The following XPO7 variants were observed in gnomAD, a reference collection of about 807,000 sequenced individuals.
XPO7 encodes the protein exportin-7.
Under a neutral mutation model 144.3 loss-of-function variants are expected in XPO7, and 21 were observed. That is an observed-to-expected ratio of 0.15 (90% confidence interval 0.10 to 0.21). The LOEUF is 0.21. Ranked by LOEUF, XPO7 falls within the 10% of genes least tolerant of loss-of-function variation. The pLI, the probability that XPO7 is intolerant of heterozygous loss-of-function variation, is 1.00. For synonymous variants in XPO7, 580 were observed against 499.6 expected (o/e 1.16, Z -2.15); for missense variants, 808 against 1,325.8 (o/e 0.61, Z 6.06).
At chr8:21,922,873 C>A (rs944685593) in intron 1 of XPO7, among the ~76,000 whole-genome samples, 1 of 152,032 alleles carries the variant, frequency 6.6e-6, no homozygotes, top group African/African-American at 2.4e-5. Context: ...GGAGAATGTA[C>A]TATTTGCAAA....
chr8:21,955,059 A>G (rs1298341992), intron 1 of XPO7, among the ~76,000 whole-genome samples: 3 of 152,226 alleles, frequency 2.0e-5, no homozygotes, highest in South Asian at 2.1e-4. Context: ...GTTTATTTAC[A>G]TACATGGTTG....
chr8:21,985,295 C>T (rs1215107184), intron 12 of XPO7, among the ~76,000 whole-genome samples: 1 of 152,178 alleles, frequency 6.6e-6, no homozygotes, highest in African/African-American at 2.4e-5. Flanking sequence ...CTCTTTTTAC[C>T]GGGCCTGGCT....
intron 1 of XPO7, among the ~76,000 whole-genome samples, chr8:21,930,512 C>T (rs1054703195): frequency 6.6e-6 from 1 of 152,064 alleles, no homozygotes; most frequent in Admixed American, 6.6e-5. Flanking sequence ...ATAATTAAGC[C>T]AGATCTGAAA....
chr8:21,962,816 T>A (rs957020104), intron 1 of XPO7, among the ~76,000 whole-genome samples: 1 of 152,260 alleles, frequency 6.6e-6, no homozygotes, highest in Admixed American at 6.5e-5. Flanking sequence ...CTGAATTTTT[T>A]AAGTTTCTTT....
chr8:21,955,829 T>C (rs1327230704), intron 1 of XPO7, among the ~76,000 whole-genome samples: 4 of 150,458 alleles, frequency 2.7e-5, no homozygotes, highest in East Asian at 2.0e-4. Context: ...CCTGGGTTTA[T>C]GTGATTCTCC....
intron 24 of XPO7, 57 bp from the exon 25 acceptor site, chr8:22,002,055 T>C (rs1813167153): frequency 6.5e-7 from 1 of 1,543,018 alleles, no homozygotes; most frequent in African/African-American, 1.4e-5. Context: ...AGATAGTCCA[T>C]ATTTGTCCAG....
intron 1 of XPO7, among the ~76,000 whole-genome samples, chr8:21,952,945 A>G (rs1035236480): frequency 6.6e-6 from 1 of 152,236 alleles, no homozygotes; most frequent in Non-Finnish European, 1.5e-5. Context: ...TTTATTTTTT[A>G]GAGCAGTTTT....
At chr8:21,955,724 CTTTTTTTTTT>C (rs71544845) in intron 1 of XPO7, among the ~76,000 whole-genome samples, 2 of 102,758 alleles carry the variant, frequency 1.9e-5, no homozygotes, top group African/African-American at 8.8e-5. Flanking sequence ...CTGTGCTTAC[CTTTTTTTTTT>C]TTTTTTTTTT....
chr8:21,981,665 A>G (rs888254204), intron 9 of XPO7, 66 bp from the exon 10 acceptor site: 12 of 1,588,820 alleles, frequency 7.6e-6, no homozygotes, highest in Admixed American at 1.7e-5. Flanking sequence ...CATCTCAAGT[A>G]TACATCATTC....
intron 19 of XPO7, 84 bp from the exon 20 acceptor site, chr8:21,994,279 G>C (rs1812867256): frequency 1.0e-6 from 1 of 972,956 alleles, no homozygotes. Flanking sequence ...GAAAGAATTT[G>C]ATGATACATG....
At chr8:21,939,015 T>A (rs2117263996) in intron 1 of XPO7, among the ~76,000 whole-genome samples, 1 of 152,322 alleles carries the variant, frequency 6.6e-6, no homozygotes, top group South Asian at 2.1e-4. Context: ...AACAAGATTT[T>A]ATTTACATTA....
At chr8:21,966,817 G>A in intron 1 of XPO7, 40 bp from the exon 2 acceptor site, 2 of 1,574,480 alleles carry the variant, frequency 1.3e-6, no homozygotes, top group South Asian at 2.4e-5. Context: ...TACATTTGTA[G>A]TAGGCTGAAC....
chr8:21,996,435 A>G (rs988172244), intron 21 of XPO7, among the ~76,000 whole-genome samples: 10 of 152,162 alleles, frequency 6.6e-5, no homozygotes, highest in African/African-American at 2.4e-4. Flanking sequence ...AATAAAAAGA[A>G]TCTCCAGATG....
chr8:21,966,714 G>T (rs1427484404), intron 1 of XPO7, 143 bp from the exon 2 acceptor site: 40 of 1,170,606 alleles, frequency 3.4e-5, no homozygotes, highest in Non-Finnish European at 2.9e-5. Flanking sequence ...TGGTTATTAG[G>T]TGAATGTTAC....
chr8:22,005,264 TA>T lies in XPO7; in HGVS notation c.*177del. ...GGAATAGGGGTGTGAGTACACTCAC[TA>T]GGGGGCAGGGCGCTGCTGGTTCCTG... On this transcript the variant is annotated 3_prime_UTR_variant, in exon 28 of 28. Coordinates refer to ENST00000252512, the MANE Select transcript of XPO7 (RefSeq NM_015024.5). The T allele has an allele frequency of 2.3e-6, 1 of 427,860 alleles. No individual in the cohort carries two copies. Among genetic ancestry groups the T allele is most frequent in the East Asian group, 3.6e-5 (1 of 27,614 alleles). The allele number at this position is 427,860 out of a possible 1,614,324, so 26.5% of individuals were successfully genotyped here. A position where few individuals can be genotyped will look rare whatever the true frequency, so the allele number is the denominator to read the frequency against.
Position 21,968,424 on chromosome 8 carries a change from A to C in XPO7, c.166-1059A>C, listed in dbSNP as rs1986887. Among the ~76,000 whole-genome samples, 572 of 152,338 alleles carry C rather than the reference A, an allele frequency of 3.8e-3. 2 individuals are homozygous for C. The highest frequency in any genetic ancestry group is 0.013 in the African/African-American group (547 of 41,568). On this transcript the variant is annotated intron_variant, in intron 2 of 27. Transcript: ENST00000252512. ...AACTTTTCCCCCAAATATCTGAATG[A>C]TACAAAGTCATGGTCAAAGACTGTG...
At chr8:21,992,856 C>T (rs1211189791) in intron 19 of XPO7, among the ~76,000 whole-genome samples, 1 of 152,036 alleles carries the variant, frequency 6.6e-6, no homozygotes, top group Non-Finnish European at 1.5e-5. Flanking sequence ...CAGAAGACAC[C>T]AGGATGTTAC....
rs1405059306 is a variant in XPO7, at chr8:22,006,134, A to G, written c.*1046A>G. The G allele has an allele frequency of 6.6e-6, 1 of 152,212 alleles. No homozygotes were observed. Among genetic ancestry groups the G allele is most frequent in the African/African-American group, 2.4e-5 (1 of 41,432 alleles). 9.4% of individuals were successfully genotyped at this position (152,212 alleles called of 1,614,324 possible). A position where few individuals can be genotyped will look rare whatever the true frequency, so the allele number is the denominator to read the frequency against. On this transcript the variant is annotated 3_prime_UTR_variant, in exon 28 of 28. Transcript: ENST00000252512. ...ATATGTACCCTGCACTCATGAATGT[A>G]TGAACTGGAGGAAGTTACTACAGTG...
intron 6 of XPO7, 108 bp downstream of exon 6, chr8:21,974,882 T>G (rs1812177432): frequency 5.7e-6 from 5 of 870,864 alleles, no homozygotes; most frequent in Non-Finnish European, 8.7e-6. Flanking sequence ...AGTTTATGCA[T>G]CTGTTTAATC....
Sources: allele counts gnomAD v4.1 joint callset (sites outside exome capture counted in the v4.1 genomes callset), GRCh38; gene constraint gnomAD v4.1.1; transcripts MANE v1.5; gene names NCBI Gene and HGNC (gene_info 2026-07-23, HGNC 2026-07-21).